DBNDD1: variants seen among roughly 807,000 people sequenced by gnomAD.
DBNDD1 encodes dysbindin domain containing 1, also known as dysbindin domain-containing protein 1.
DBNDD1 carries 14 observed loss-of-function variants against 17.0 expected under a neutral mutation model. The observed-to-expected ratio is 0.82, with a 90% CI of 0.54 to 1.29. The LOEUF (loss-of-function observed/expected upper bound fraction) is 1.29, where lower values mean the gene tolerates loss of function less well. DBNDD1 is among the 50% of genes most tolerant of loss of function. The pLI is 0.00. For missense variants in DBNDD1, 221 were observed against 216.2 expected, an observed-to-expected ratio of 1.02 and a Z score of -0.14; for synonymous variants, 105 against 102.0, an observed-to-expected ratio of 1.03 and a Z score of -0.18.
intron 3 of DBNDD1, chr16:90,007,652 A>ACC (rs1394439044): frequency 6.6e-6 from 1 of 152,226 alleles, no homozygotes; most frequent in African/African-American, 2.4e-5. Flanking sequence ...GCTGGTGACC[A>ACC]CCCCCACCTT....
At chr16:90,008,027 G>A (rs868419904) in intron 3 of DBNDD1, among the ~76,000 whole-genome samples, 309 of 89,878 alleles carry the variant, frequency 3.4e-3, no homozygotes, top group South Asian at 0.026. Context: ...ACACCTCCCA[G>A]GACGTCCCAA....
At chr16:90,015,794 C>T (rs1455944068) in intron 1 of DBNDD1, among the ~76,000 whole-genome samples, 7 of 151,632 alleles carry the variant, frequency 4.6e-5, no homozygotes, top group African/African-American at 1.7e-4. Context: ...AGGAAATGTC[C>T]AGAATAGGCA....
chr16:90,016,922 C>T (rs2035650672), intron 1 of DBNDD1, among the ~76,000 whole-genome samples: 1 of 152,202 alleles, frequency 6.6e-6, no homozygotes. Flanking sequence ...GCCCCCCATC[C>T]CCCAGCACCT....
chr16:90,006,657 A>C, intron 3 of DBNDD1, 165 bp from the exon 4 acceptor site: 2 of 885,024 alleles, frequency 2.3e-6, no homozygotes, highest in Non-Finnish European at 1.7e-6. Flanking sequence ...CCCCCACCAC[A>C]CACTGGCCCC....
chr16:90,018,663 A>G (rs1342762210), intron 1 of DBNDD1, among the ~76,000 whole-genome samples: 10 of 152,220 alleles, frequency 6.6e-5, no homozygotes, highest in African/African-American at 2.2e-4. Flanking sequence ...TACCGACTCC[A>G]AGGTCCTGCA....
At position 90,008,857 on chromosome 16, in the gene DBNDD1, G is replaced by A; in HGVS notation, c.246C>T (p.Asp82=). The change falls in exon 3 of 4, where the codon GAC becomes GAT. Residue 82 remains aspartate, a synonymous_variant. Transcript: ENST00000002501. ...FDLLDLTELT[D]MSDQELAEVF... is the part of the protein sequence containing the mutation. ...CCTCGGCCAGCTCCTGGTCCGACATGTCGGTGAGCTCAGTGAGGTCCAGGA... is the reference window on the plus strand; with the variant it reads ...CCTCGGCCAGCTCCTGGTCCGACATATCGGTGAGCTCAGTGAGGTCCAGGA... 2 of 1,603,184 alleles carry A rather than the reference G, an allele frequency of 1.2e-6. No individual in the cohort carries two copies. The highest frequency in any genetic ancestry group is 1.7e-6 in the Non-Finnish European group (2 of 1,173,306).
rs1358813670 is a variant in DBNDD1, at chr16:90,006,396, G to T, written c.416C>A (p.Pro139His). ...GTCCAGGACTGTGGCCTGCCGCTCG[G>T]GGTCGCCTAGGGGCTGCTTCTCGTG... ...QSHEKQPLGD[P>H]ERQATVLDTF... is the part of the protein sequence containing the mutation. The change falls in exon 4 of 4, where the codon CCC becomes CAC. Residue 139 changes from proline to histidine, a missense_variant. Transcript: ENST00000002501. 1 of 1,606,824 alleles carries T rather than the reference G, an allele frequency of 6.2e-7. No individual in the cohort carries two copies.
Position 90,009,397 on chromosome 16 carries a change from G to A in DBNDD1, c.65C>T (p.Ala22Val), listed in dbSNP as rs781618950. The A allele has an allele frequency of 1.4e-5, 23 of 1,612,448 alleles. No homozygotes were observed. Among genetic ancestry groups the A allele is most frequent in the East Asian group, 2.2e-5 (1 of 44,896 alleles). ...TGTCCCCTGGGCTGGGACGCCCAGC[G>A]CAGCCTGCGGCACCTCAGCCTCCTT... ...IVKEAEVPQA[A>V]LGVPAQGTGD... The change falls in exon 2 of 4, where the codon GCG becomes GTG. Residue 22 changes from alanine (A) to valine (V), a missense_variant. Transcript: ENST00000002501.
chr16:90,016,626 G>A (rs1362021390), intron 1 of DBNDD1, among the ~76,000 whole-genome samples: 1 of 152,192 alleles, frequency 6.6e-6, no homozygotes, highest in African/African-American at 2.4e-5. Context: ...GCACCTCAGC[G>A]AGGGAGCCAG....
chr16:90,013,880 T>G lies in DBNDD1; in HGVS notation c.32-4450A>C, dbSNP rs533369393. ...ATCTGGGGAGGGTGCTCTACCAAAC[T>G]TGGAGGAGGAGCCTGGAGGTGGGAG... On this transcript the variant is annotated intron_variant, in intron 1 of 3. Transcript: ENST00000002501. Among the ~76,000 whole-genome samples the G allele has an allele frequency of 7.1e-5, 9 of 126,968 alleles. No homozygotes were observed. In the East Asian group the frequency reaches 2.1e-3, roughly 30 times the overall value. The allele number at this position is 126,968 out of a possible 152,430, so 83.3% of individuals were successfully genotyped here. A position where few individuals can be genotyped will look rare whatever the true frequency, so the allele number is the denominator to read the frequency against.
At chr16:90,007,496 T>G (rs1045449058) in intron 3 of DBNDD1, 3 of 152,218 alleles carry the variant, frequency 2.0e-5, no homozygotes, top group African/African-American at 7.2e-5. Context: ...AGTCCTGTGC[T>G]CTCGTCACGG....
chr16:90,019,690 C>G (rs2035742127), upstream of DBNDD1: 1 of 563,732 alleles, frequency 1.8e-6, no homozygotes, highest in African/African-American at 2.0e-5. This position sits in a 1 kb window ranked among gnomAD's most constrained non-coding sequence, Gnocchi z 6.1. Context: ...TGCGCCCTCC[C>G]GACCCCGGCC....
At chr16:90,013,544 G>A (rs1258394791) in intron 1 of DBNDD1, among the ~76,000 whole-genome samples, 6 of 152,124 alleles carry the variant, frequency 3.9e-5, no homozygotes, top group African/African-American at 7.2e-5. Flanking sequence ...CAGGGATCCC[G>A]GTTCAGGGCC....
At chr16:90,018,946 C>T (rs952443592) in intron 1 of DBNDD1, among the ~76,000 whole-genome samples, 1 of 152,206 alleles carries the variant, frequency 6.6e-6, no homozygotes, top group African/African-American at 2.4e-5. Flanking sequence ...GCCCTCACGC[C>T]CCACCGACAG....
At chr16:90,015,319 C>A (rs556592615) in intron 1 of DBNDD1, among the ~76,000 whole-genome samples, 3 of 152,330 alleles carry the variant, frequency 2.0e-5, no homozygotes, top group African/African-American at 7.2e-5. Flanking sequence ...CACGATGGAT[C>A]TTGGCATGAA....
At chr16:90,011,475 G>T in intron 1 of DBNDD1, 1 of 348,686 alleles carries the variant, frequency 2.9e-6, no homozygotes, top group Non-Finnish European at 5.8e-6. Flanking sequence ...TTGTGGGCAG[G>T]TGGCCTGGCA....
chr16:90,017,340 A>G (rs981355881), intron 1 of DBNDD1, among the ~76,000 whole-genome samples: 13 of 152,106 alleles, frequency 8.5e-5, no homozygotes, highest in African/African-American at 2.7e-4. Context: ...CTAAAAGTAC[A>G]AAAAATCAGC....
Position 90,013,333 on chromosome 16 carries a change from G to T in DBNDD1, c.32-3903C>A, listed in dbSNP as rs142199230. ...ACAGTCCCAGCATTCTGTGTTTATT[G>T]ACTAACTCCATTCTCACCTCACCCT... is the stretch of plus-strand genomic sequence containing the variant. On this transcript the variant is annotated intron_variant, in intron 1 of 3. Coordinates refer to ENST00000002501, the MANE Select transcript of DBNDD1 (RefSeq NM_001042610.3). Among the ~76,000 whole-genome samples the T allele has an allele frequency of 4.0e-3, 562 of 141,146 alleles. 5 individuals carry two copies. Among genetic ancestry groups the T allele is most frequent in the South Asian group, 0.027 (110 of 4,130 alleles). The allele number at this position is 141,146 out of a possible 152,430, so 92.6% of individuals were successfully genotyped here.
At position 90,018,258 on chromosome 16, in the gene DBNDD1, C is replaced by T. The variant is rs1295791971; in HGVS notation, c.31+1053G>A. 3.3e-5 allele frequency among the ~76,000 whole-genome samples: 5 copies of T among 152,254 alleles called. No homozygotes were observed. The East Asian group carries it at 9.6e-4, about 29-fold the overall frequency. On this transcript the variant is annotated intron_variant, in intron 1 of 3. Coordinates refer to ENST00000002501, the MANE Select transcript of DBNDD1 (RefSeq NM_001042610.3). ...GGACTATCAGTGTTAAGAAAGAGCT[C>T]TGGTCCCTCCCACAAATGACAAATC... is the stretch of plus-strand genomic sequence containing the variant.
Sources: allele counts gnomAD v4.1 joint callset (sites outside exome capture counted in the v4.1 genomes callset), GRCh38; gene constraint gnomAD v4.1.1; non-coding constraint Gnocchi (gnomAD v3.1); transcripts MANE v1.5; gene names NCBI Gene and HGNC (gene_info 2026-07-23, HGNC 2026-07-21).